Variants in STIM1 observed in about 807,000 individuals in gnomAD.
The protein encoded by STIM1 is stromal interaction molecule 1.
Under a neutral mutation model 74.7 loss-of-function variants are expected in STIM1, and 25 were observed. The observed-to-expected ratio is 0.33, with a 90% confidence interval of 0.24 to 0.47. STIM1 has a LOEUF of 0.47. Among genes scored for constraint, STIM1 ranks in the 20% least tolerant of loss-of-function variants. The pLI is 1.00. For missense variants in STIM1, 728 were observed against 920.8 expected, an observed-to-expected ratio of 0.79 and a Z score of 2.71; for synonymous variants, 328 against 348.8, an observed-to-expected ratio of 0.94 and a Z score of 0.66.
At chr11:3,877,071 T>G (rs1284286076) in intron 1 of STIM1, among the ~76,000 whole-genome samples, 1 of 151,834 alleles carries the variant, frequency 6.6e-6, no homozygotes, top group Non-Finnish European at 1.5e-5. Context: ...GATTAAAACC[T>G]TTTCTATAAG....
Position 3,938,067 on chromosome 11 carries a change from G to T in STIM1, c.140-29485G>T, listed in dbSNP as rs547643535. Among the ~76,000 whole-genome samples, 172 of 151,972 alleles carry T rather than the reference G, an allele frequency of 1.1e-3. 1 individual carries two copies. Among genetic ancestry groups the T allele is most frequent in the African/African-American group, 4.0e-3 (164 of 41,438 alleles). On this transcript the variant is annotated intron_variant, in intron 1 of 12. Coordinates refer to ENST00000526596, the MANE Select transcript of STIM1 (RefSeq NM_001382567.1). ...TCTTGCTTCAGCCTCCCGAGTAGCT[G>T]GGTTTACAGGTGCCCACCACCACAC... is the stretch of plus-strand genomic sequence containing the variant.
At chr11:4,045,168 GCCTTC>G (rs2094180863) in intron 3 of STIM1, among the ~76,000 whole-genome samples, 1 of 151,666 alleles carries the variant, frequency 6.6e-6, no homozygotes. Context: ...CTGGCCTCAG[GCCTTC>G]TAGCAATAAA....
intron 1 of STIM1, among the ~76,000 whole-genome samples, chr11:3,911,357 A>G (rs775448511): frequency 1.7e-4 from 26 of 152,092 alleles, no homozygotes; most frequent in African/African-American, 6.0e-4. Flanking sequence ...ACATTTTTCT[A>G]TGCTATTATT....
intron 2 of STIM1, among the ~76,000 whole-genome samples, chr11:3,973,678 T>G (rs2093417644): frequency 6.6e-6 from 1 of 152,158 alleles, no homozygotes. Context: ...ATTACAGGCA[T>G]GAGCCACTGC....
chr11:3,904,411 T>G (rs1415140815), intron 1 of STIM1, among the ~76,000 whole-genome samples: 2 of 151,782 alleles, frequency 1.3e-5, no homozygotes, highest in East Asian at 3.9e-4. Flanking sequence ...TTGGACTACT[T>G]GGAGGGAGTG....
intron 7 of STIM1, 116 bp from the exon 8 acceptor site, chr11:4,082,068 T>C: frequency 3.5e-6 from 4 of 1,151,480 alleles, no homozygotes; most frequent in Non-Finnish European, 5.2e-6. Context: ...CCTTACCTTT[T>C]CTCCTTCCTG....
chr11:3,856,118 G>C lies in STIM1; in HGVS notation c.-153G>C, dbSNP rs1358727350. 1 of 970,526 alleles carries C rather than the reference G, an allele frequency of 1.0e-6. No homozygotes were observed. The highest frequency in any genetic ancestry group is 1.4e-5 in the South Asian group (1 of 71,104). 60.1% of individuals were successfully genotyped at this position (970,526 alleles called of 1,614,324 possible). On this transcript the variant is annotated 5_prime_UTR_variant, in exon 1 of 13. Coordinates refer to ENST00000526596, the MANE Select transcript of STIM1 (RefSeq NM_001382567.1). ...AACTTGGAGCACTTGACCTTTGGCTGTTGGAGGGGGCAGGCTCGCGGGTGG... is the reference window on the plus strand; with the variant it reads ...AACTTGGAGCACTTGACCTTTGGCTCTTGGAGGGGGCAGGCTCGCGGGTGG...
intron 2 of STIM1, among the ~76,000 whole-genome samples, chr11:4,021,004 T>G (rs1464481209): frequency 1.3e-5 from 2 of 152,228 alleles, no homozygotes; most frequent in Non-Finnish European, 2.9e-5. Flanking sequence ...ATATTCTAGA[T>G]GTTAACCGCT....
At chr11:3,903,661 G>A (rs778290452) in intron 1 of STIM1, 15 of 152,246 alleles carry the variant, frequency 9.9e-5, no homozygotes, top group Non-Finnish European at 2.2e-4. Flanking sequence ...TTGCAAGAGG[G>A]GAAGTTGAAA....
At chr11:4,008,763 G>A (rs1716399801) in intron 2 of STIM1, among the ~76,000 whole-genome samples, 1 of 152,088 alleles carries the variant, frequency 6.6e-6, no homozygotes, top group Admixed American at 6.6e-5. Flanking sequence ...TTGGGATGTG[G>A]GAGGAAATCA....
chr11:4,067,135 C>T (rs1194127388), intron 5 of STIM1, among the ~76,000 whole-genome samples: 1 of 152,184 alleles, frequency 6.6e-6, no homozygotes, highest in Admixed American at 6.5e-5. Context: ...CGTTCGATCT[C>T]GTTAGTAACC....
At chr11:4,001,351 C>T (rs1470344434) in intron 2 of STIM1, among the ~76,000 whole-genome samples, 2 of 151,876 alleles carry the variant, frequency 1.3e-5, no homozygotes, top group East Asian at 1.9e-4. Flanking sequence ...GTCGGGTTAC[C>T]TTCAAAGGGA....
intron 1 of STIM1, among the ~76,000 whole-genome samples, chr11:3,905,027 AGAAAAGTTAGGGAGGGAGCCT>A (rs2092441395): frequency 6.6e-6 from 1 of 152,160 alleles, no homozygotes; most frequent in South Asian, 2.1e-4. Flanking sequence ...ATGTGTGGAC[AGAAAAGTTAGGGAGGGAGCCT>A]GAGGAGGGGC....
At chr11:4,059,527 T>C in intron 5 of STIM1, 131 bp downstream of exon 5, 1 of 706,606 alleles carries the variant, frequency 1.4e-6, no homozygotes, top group Non-Finnish European at 2.5e-6. Flanking sequence ...TTTCCACTGG[T>C]ATTAAGGTAT....
chr11:4,061,168 G>T (rs1050606249), intron 5 of STIM1, among the ~76,000 whole-genome samples: 1 of 152,178 alleles, frequency 6.6e-6, no homozygotes, highest in Admixed American at 6.5e-5. Context: ...AGTAGAAACT[G>T]CAGGTTAAAG....
chr11:3,928,707 G>C (rs898138076), intron 1 of STIM1, among the ~76,000 whole-genome samples: 23 of 152,212 alleles, frequency 1.5e-4, no homozygotes, highest in Non-Finnish European at 3.2e-4. Context: ...CTGGGATTCT[G>C]GAAGGCATCT....
intron 1 of STIM1, among the ~76,000 whole-genome samples, chr11:3,867,825 A>C (rs150843037): frequency 6.7e-6 from 1 of 150,266 alleles, no homozygotes. Flanking sequence ...GGCCTAGGTA[A>C]TGACCAGAAA....
intron 1 of STIM1, among the ~76,000 whole-genome samples, chr11:3,899,356 A>G (rs903455508): frequency 1.3e-5 from 2 of 152,188 alleles, no homozygotes; most frequent in Non-Finnish European, 2.9e-5. Context: ...TGATTTTTGT[A>G]CATTGATTTT....
At chr11:4,086,689 T>TCCATCACCA (rs1565172313) in intron 12 of STIM1, 146 bp downstream of exon 12, 1 of 1,541,200 alleles carries the variant, frequency 6.5e-7, no homozygotes, top group Non-Finnish European at 8.7e-7. Flanking sequence ...TTGCTCCTCT[T>TCCATCACCA]CCATCACCAC....
Sources: gnomAD v4.1 joint callset for allele counts (sites outside exome capture counted in the v4.1 genomes callset) on GRCh38, gnomAD v4.1.1 for gene constraint, MANE v1.5 for transcripts, NCBI Gene and HGNC (gene_info 2026-07-23, HGNC 2026-07-21) for gene names.